COLEC12: variants seen among roughly 807,000 people sequenced by gnomAD.
COLEC12 encodes collectin-12.
COLEC12 carries 33 observed loss-of-function variants against 71.1 expected under a neutral mutation model. The ratio of observed to expected loss-of-function variants is 0.46; its 90% CI spans 0.35 to 0.62. The LOEUF (loss-of-function observed/expected upper bound fraction) is 0.62. Ranked by LOEUF, COLEC12 falls within the 20% of genes least tolerant of loss-of-function variation. COLEC12 has a pLI of 0.00. For missense variants in COLEC12, 765 were observed against 916.1 expected, an observed-to-expected ratio of 0.84 and a Z score of 2.13; for synonymous variants, 350 against 353.0, an observed-to-expected ratio of 0.99 and a Z score of 0.10.
At chr18:377,949 A>G (rs1915149499) in intron 2 of COLEC12, among the ~76,000 whole-genome samples, 1 of 152,164 alleles carries the variant, frequency 6.6e-6, no homozygotes, top group African/African-American at 2.4e-5. Context: ...CTGTGGTTTC[A>G]TCTGGACATT....
Position 348,129 on chromosome 18 carries a change from C to T in COLEC12, c.216G>A (p.Met72Ile), listed in dbSNP as rs1180995155. 1.2e-6 allele frequency: 2 copies of T among 1,613,736 alleles called. No homozygotes were observed. The highest frequency in any genetic ancestry group is 1.7e-6 in the Non-Finnish European group (2 of 1,179,814). Residue 72 changes from methionine to isoleucine, a missense_variant, in exon 4 of 10, where the codon ATG (methionine) becomes ATA (isoleucine). Physicochemically the swap from Met to Ile is conservative, Grantham distance 10 (BLOSUM62 1). Coordinates refer to ENST00000400256, the MANE Select transcript of COLEC12 (RefSeq NM_130386.3). ...CATCATAGGTTTGGCGAGATGTTTC[C>T]ATGCCACCTGTGACATTGTCCATTT... ...VEKMDNVTGG[M>I]ETSRQTYDDK...
chr18:376,489 C>T (rs1473896267), intron 2 of COLEC12, among the ~76,000 whole-genome samples: 2 of 152,164 alleles, frequency 1.3e-5, no homozygotes, highest in African/African-American at 2.4e-5. Flanking sequence ...TGGCACGTTG[C>T]ACTGTAGTAG....
intron 2 of COLEC12, among the ~76,000 whole-genome samples, chr18:447,695 C>A (rs533586638): frequency 1.3e-5 from 2 of 152,286 alleles, no homozygotes; most frequent in African/African-American, 4.8e-5. Flanking sequence ...TACTTGACAA[C>A]ATTACAGGGA....
At chr18:389,781 C>A (rs554997147) in intron 2 of COLEC12, among the ~76,000 whole-genome samples, 5 of 152,232 alleles carry the variant, frequency 3.3e-5, no homozygotes, top group African/African-American at 1.2e-4. Context: ...CAGGCTTACT[C>A]GGTACCACCC....
chr18:479,665 T>A (rs1294563452), intron 2 of COLEC12, among the ~76,000 whole-genome samples: 6 of 152,012 alleles, frequency 3.9e-5, no homozygotes, highest in African/African-American at 7.2e-5. Context: ...AATCCTCCAA[T>A]CCCTGGAGCT....
intron 1 of COLEC12, among the ~76,000 whole-genome samples, chr18:486,173 CT>C (rs1381975542): frequency 6.6e-6 from 1 of 151,998 alleles, no homozygotes; most frequent in Non-Finnish European, 1.5e-5. Context: ...TACTATGTTT[CT>C]TTCTTTCTTT....
intron 2 of COLEC12, among the ~76,000 whole-genome samples, chr18:425,205 A>G (rs1175955854): frequency 6.6e-6 from 1 of 152,206 alleles, no homozygotes; most frequent in African/African-American, 2.4e-5. Context: ...TTCAGTCTCC[A>G]TAACTCAAAC....
chr18:330,366 C>T (rs1913944622), intron 8 of COLEC12, among the ~76,000 whole-genome samples: 1 of 152,142 alleles, frequency 6.6e-6, no homozygotes, highest in Non-Finnish European at 1.5e-5. Context: ...CCCCAGAGGC[C>T]ACACCGTGGA....
At chr18:431,361 T>C (rs1916299462) in intron 2 of COLEC12, among the ~76,000 whole-genome samples, 2 of 152,142 alleles carry the variant, frequency 1.3e-5, no homozygotes, top group South Asian at 4.1e-4. Flanking sequence ...GTCTTCATAG[T>C]TTGCATCTCT....
intron 2 of COLEC12, among the ~76,000 whole-genome samples, chr18:377,950 T>C (rs537904937): frequency 6.6e-6 from 1 of 152,262 alleles, no homozygotes; most frequent in South Asian, 2.1e-4. Context: ...TGTGGTTTCA[T>C]CTGGACATTG....
At chr18:367,726 G>C (rs1046948297) in intron 2 of COLEC12, among the ~76,000 whole-genome samples, 1 of 152,194 alleles carries the variant, frequency 6.6e-6, no homozygotes, top group Admixed American at 6.5e-5. Context: ...GGCCCACGAC[G>C]CCTGTGAGGG....
intron 2 of COLEC12, among the ~76,000 whole-genome samples, chr18:450,721 C>A (rs1044923030): frequency 6.6e-6 from 1 of 152,076 alleles, no homozygotes; most frequent in African/African-American, 2.4e-5. Context: ...AGCTTTGGAA[C>A]TGGGTAATGG....
intron 6 of COLEC12, chr18:333,685 C>T (rs907008480): frequency 1.3e-5 from 2 of 152,294 alleles, no homozygotes; most frequent in Non-Finnish European, 2.9e-5. Context: ...TAACATCTAA[C>T]ACCTTTCTCA....
At chr18:407,950 A>G (rs938847413) in intron 2 of COLEC12, among the ~76,000 whole-genome samples, 1 of 152,240 alleles carries the variant, frequency 6.6e-6, no homozygotes, top group Admixed American at 6.5e-5. Flanking sequence ...AAAGCTCCCC[A>G]GGTGATCTGG....
chr18:444,833 C>T (rs1044020529), intron 2 of COLEC12, among the ~76,000 whole-genome samples: 35 of 152,182 alleles, frequency 2.3e-4, no homozygotes, highest in African/African-American at 7.2e-4. Context: ...CTCCAATCAT[C>T]CCATGGGGTC....
intron 2 of COLEC12, among the ~76,000 whole-genome samples, chr18:412,314 T>C (rs1915907264): frequency 6.6e-6 from 1 of 150,414 alleles, no homozygotes; most frequent in Non-Finnish European, 1.5e-5. Flanking sequence ...GGTGAGAGAG[T>C]TTTCAAGTGC....
At chr18:473,517 C>T (rs1917244255) in intron 2 of COLEC12, among the ~76,000 whole-genome samples, 2 of 97,648 alleles carry the variant, frequency 2.0e-5, no homozygotes, top group South Asian at 7.9e-4. Flanking sequence ...GCGCGTGCCA[C>T]AGCGCTCAGC....
At chr18:406,870 G>A (rs548748975) in intron 2 of COLEC12, among the ~76,000 whole-genome samples, 3 of 152,248 alleles carry the variant, frequency 2.0e-5, no homozygotes. Context: ...CATCTGGCCA[G>A]CACCCTGAGA....
intron 2 of COLEC12, among the ~76,000 whole-genome samples, chr18:445,649 T>TTTTTTTTTA (rs1916632375): frequency 2.0e-5 from 3 of 151,250 alleles, no homozygotes; most frequent in African/African-American, 4.9e-5. Context: ...TTTTTTTTTT[T>TTTTTTTTTA]GAGACAAGGT....
Sources: gnomAD v4.1 joint callset for allele counts (sites outside exome capture counted in the v4.1 genomes callset) on GRCh38, gnomAD v4.1.1 for gene constraint, MANE v1.5 for transcripts, NCBI Gene and HGNC (gene_info 2026-07-23, HGNC 2026-07-21) for gene names.